Variants in KIF3A observed in about 807,000 individuals in gnomAD.
KIF3A encodes the protein kinesin-like protein KIF3A.
A neutral mutation model predicts 92.6 loss-of-function variants in KIF3A; 27 were observed. The observed-to-expected ratio is 0.29, with a 90% CI of 0.21 to 0.40. The LOEUF (loss-of-function observed/expected upper bound fraction) is 0.40. KIF3A is among the 10% of genes least tolerant of loss of function. The pLI is 1.00. For synonymous variants in KIF3A, 250 were observed against 275.4 expected, an observed-to-expected ratio of 0.91 and a Z score of 0.92; for missense variants, 581 against 872.6, an observed-to-expected ratio of 0.67 and a Z score of 4.21.
chr5:132,736,762 C>G (rs1003530881), intron 1 of KIF3A: 4 of 467,842 alleles, frequency 8.5e-6, no homozygotes, highest in Non-Finnish European at 1.8e-5. Flanking sequence ...CTCACAACCA[C>G]TAAATAAGCG....
At chr5:132,718,552 C>T (rs1753714202) in intron 5 of KIF3A, among the ~76,000 whole-genome samples, 1 of 152,092 alleles carries the variant, frequency 6.6e-6, no homozygotes, top group Non-Finnish European at 1.5e-5. Context: ...TCAAGTGATC[C>T]ATCCGCCTCA....
At chr5:132,689,326 A>ATT (rs1293103203), downstream of KIF3A, among the ~76,000 whole-genome samples, 12 of 152,256 alleles carry the variant, frequency 7.9e-5, no homozygotes, top group East Asian at 2.3e-3. Context: ...GTCTTCAGTG[A>ATT]TTTTTACTCT....
At chr5:132,716,752 T>C (rs1011739049) in intron 6 of KIF3A, 93 bp downstream of exon 6, 1 of 1,350,692 alleles carries the variant, frequency 7.4e-7, no homozygotes. Context: ...AAATCATATG[T>C]AAATCATACC....
chr5:132,726,624 A>G, intron 2 of KIF3A, 126 bp from the exon 3 acceptor site: 1 of 795,764 alleles, frequency 1.3e-6, no homozygotes, highest in East Asian at 2.5e-5. Flanking sequence ...ATTCTAGCAC[A>G]AGTTTCACCT....
chr5:132,696,764 T>C (rs1266491317), intron 18 of KIF3A, 82 bp from the exon 19 acceptor site: 11 of 1,080,194 alleles, frequency 1.0e-5, no homozygotes, highest in Admixed American at 7.1e-5. Context: ...ATAGAAACTA[T>C]GGGGTGGCCT....
intron 10 of KIF3A, among the ~76,000 whole-genome samples, chr5:132,708,088 C>A (rs1369257700): frequency 6.6e-6 from 1 of 152,002 alleles, no homozygotes; most frequent in East Asian, 1.9e-4. Context: ...TCGGGACCAT[C>A]CTGGCTAACA....
chr5:132,734,191 A>G lies in KIF3A; in HGVS notation c.280+14T>C. The G allele has an allele frequency of 1.9e-6, 3 of 1,592,784 alleles. No homozygotes were observed. Among genetic ancestry groups the G allele is most frequent in the Non-Finnish European group, 2.6e-6 (3 of 1,169,296 alleles). ...TCAATAAGGGAGTTTTTTAAAAAGT[A>G]AAGATTCACTTACCATTGTAGCCTT... is the stretch of plus-strand genomic sequence containing the variant. On this transcript the variant is annotated intron_variant, in intron 2 of 18. Coordinates refer to ENST00000403231, the MANE Select transcript of KIF3A (RefSeq NM_001300791.2).
At chr5:132,700,438 T>C (rs1752993373) in intron 16 of KIF3A, 154 bp from the exon 17 acceptor site, 1 of 654,788 alleles carries the variant, frequency 1.5e-6, no homozygotes, top group Non-Finnish European at 2.7e-6. Context: ...TAGTCCCACA[T>C]AGCCCCTAAC....
chr5:132,721,200 G>A (rs536937016), intron 4 of KIF3A, among the ~76,000 whole-genome samples: 2 of 152,298 alleles, frequency 1.3e-5, no homozygotes, highest in South Asian at 4.1e-4. Context: ...ACAGAGACAA[G>A]TTTAGAATAG....
At chr5:132,697,560 A>C (rs1241489142) in intron 18 of KIF3A, 1 of 152,100 alleles carries the variant, frequency 6.6e-6, no homozygotes, top group Non-Finnish European at 1.5e-5. Context: ...TCATGCCTGT[A>C]ATCATAACAC....
At chr5:132,724,618 G>A (rs1753939635) in intron 4 of KIF3A, among the ~76,000 whole-genome samples, 1 of 151,316 alleles carries the variant, frequency 6.6e-6, no homozygotes, top group African/African-American at 2.4e-5. Context: ...ACAGGAAGGA[G>A]AACATCACAC....
At chr5:132,703,740 T>C (rs1388640645) in intron 11 of KIF3A, 121 bp from the exon 12 acceptor site, 4 of 657,306 alleles carry the variant, frequency 6.1e-6, no homozygotes, top group Non-Finnish European at 9.9e-6. Flanking sequence ...CAATTATCAA[T>C]ATTTTAAGGA....
chr5:132,699,422 T>G, intron 17 of KIF3A, 127 bp from the exon 18 acceptor site: 6 of 868,376 alleles, frequency 6.9e-6, no homozygotes, highest in Non-Finnish European at 9.1e-6. Flanking sequence ...AAGAAATGTC[T>G]AATGACATCA....
rs1468712473 is a variant in KIF3A, at chr5:132,696,410, G to C, written c.*224C>G. The C allele has an allele frequency of 6.2e-6, 3 of 481,330 alleles. No homozygotes were observed. Among genetic ancestry groups the C allele is most frequent in the African/African-American group, 5.8e-5 (3 of 51,604 alleles). 29.8% of individuals were successfully genotyped at this position (481,330 alleles called of 1,614,324 possible). ...CTTCCCTGCACAGTACAATTGAAGA[G>C]TAGTAGTACAACAATTTGAACAATC... On this transcript the variant is annotated 3_prime_UTR_variant, in exon 19 of 19. Coordinates refer to ENST00000403231, the MANE Select transcript of KIF3A (RefSeq NM_001300791.2).
At chr5:132,700,609 CTT>C in intron 16 of KIF3A, 36 bp downstream of exon 16, 2 of 1,392,654 alleles carry the variant, frequency 1.4e-6, no homozygotes, top group Non-Finnish European at 2.0e-6. Flanking sequence ...AGGAAGTACT[CTT>C]TAATTATTAC....
chr5:132,702,511 T>TA (rs768841042), intron 14 of KIF3A, 47 bp downstream of exon 14: 2 of 1,098,588 alleles, frequency 1.8e-6, no homozygotes, highest in South Asian at 1.5e-5. Flanking sequence ...AACTCCCTTT[T>TA]AAAAAATCCA....
Position 132,737,533 on chromosome 5 carries a change from G to A in KIF3A, c.-114C>T. On this transcript the variant is annotated 5_prime_UTR_variant, in exon 1 of 19. Coordinates refer to ENST00000403231, the MANE Select transcript of KIF3A (RefSeq NM_001300791.2). ...CGAAACACCTCGTTGACGCTCTCGAGACTGCGGCTTCTCGGGCGAGAGCGC... is the reference window on the plus strand; with the variant it reads ...CGAAACACCTCGTTGACGCTCTCGAAACTGCGGCTTCTCGGGCGAGAGCGC... 4 of 1,264,960 alleles carry A rather than the reference G, an allele frequency of 3.2e-6. No homozygotes were observed. In the South Asian group the frequency reaches 4.4e-5, roughly 14 times the overall value. The allele number at this position is 1,264,960 out of a possible 1,614,324, so 78.4% of individuals were successfully genotyped here.
chr5:132,732,203 T>A (rs1359895870), intron 2 of KIF3A, among the ~76,000 whole-genome samples: 1 of 152,158 alleles, frequency 6.6e-6, no homozygotes, highest in East Asian at 1.9e-4. Context: ...ATCAGAAACC[T>A]CACACATTGC....
In KIF3A at chr5:132,733,000, T is replaced by C. The variant is rs180759492; in HGVS notation, c.280+1205A>G. On this transcript the variant is annotated intron_variant, in intron 2 of 18. Coordinates refer to ENST00000403231, the MANE Select transcript of KIF3A (RefSeq NM_001300791.2). ...AAAACACTGTAAGTGAAAGAAGTTATTCACAAAAGGCCACATAGCATATAA... is the reference window on the plus strand; with the variant it reads ...AAAACACTGTAAGTGAAAGAAGTTACTCACAAAAGGCCACATAGCATATAA... 4.8e-4 allele frequency among the ~76,000 whole-genome samples: 73 copies of C among 152,222 alleles called. 1 individual carries two copies. The East Asian group carries it at 0.01, about 21-fold the overall frequency.
Sources: gnomAD v4.1 joint callset for allele counts (sites outside exome capture counted in the v4.1 genomes callset) on GRCh38, gnomAD v4.1.1 for gene constraint, MANE v1.5 for transcripts, NCBI Gene and HGNC (gene_info 2026-07-23, HGNC 2026-07-21) for gene names.